Variants in UHMK1 observed in about 807,000 individuals in gnomAD.
UHMK1 encodes serine/threonine-protein kinase Kist.
A neutral mutation model predicts 44.0 loss-of-function variants in UHMK1; 18 were observed. That is an observed-to-expected ratio of 0.41 (90% CI 0.28 to 0.61). UHMK1 has a LOEUF of 0.61. Ranked by LOEUF, UHMK1 falls within the 20% of genes least tolerant of loss-of-function variation. The pLI, the probability that UHMK1 is intolerant of heterozygous loss-of-function variation, is 0.31. For synonymous variants in UHMK1, 231 were observed against 198.5 expected (o/e 1.16, Z -1.38); for missense variants, 463 against 522.5 (o/e 0.89, Z 1.11).
chr1:162,497,756 C>A, upstream of UHMK1: 1 of 1,261,290 alleles, frequency 7.9e-7, no homozygotes, highest in Non-Finnish European at 1.0e-6. Flanking sequence ...CTAGGCCCCG[C>A]CCCTTCTGAG....
In UHMK1 at chr1:162,498,057, C is replaced by G; in HGVS notation, c.57C>G (p.Phe19Leu). 2 of 1,604,874 alleles carry G rather than the reference C, an allele frequency of 1.2e-6. No homozygotes were observed. Among genetic ancestry groups the G allele is most frequent in the Non-Finnish European group, 1.7e-6 (2 of 1,174,846 alleles). The change falls in exon 1 of 8, where the codon TTC becomes TTG. Residue 19 changes from phenylalanine to leucine, a missense_variant. This residue lies in a region of UHMK1 where 191 missense variants were observed against 176.0 expected (regional missense o/e 1.09). Transcript: ENST00000489294. ...GAEPPRFLEA[F>L]GRLWQVQSRL... ...AGCCGCCGCGTTTTCTGGAGGCCTT[C>G]GGGCGGCTGTGGCAGGTACAGAGCC...
intron 7 of UHMK1, among the ~76,000 whole-genome samples, chr1:162,519,142 C>T (rs1270060106): frequency 2.1e-5 from 3 of 142,194 alleles, no homozygotes; most frequent in African/African-American, 7.9e-5. Context: ...CGTGGTGAAA[C>T]CCCCTCTCTA....
rs1383203780 is a variant in UHMK1 at position 162,524,688 on chromosome 1, G to A, written c.*2138G>A. 6.6e-6 allele frequency: 1 copy of A among 152,184 alleles called. No individual in the cohort carries two copies. The highest frequency in any genetic ancestry group is 1.9e-4 in the East Asian group (1 of 5,190). The allele number at this position is 152,184 out of a possible 1,614,324, so 9.4% of individuals were successfully genotyped here. ...AAATAAACTGCAGGTAGGCTTCTAA[G>A]CCTAGTCCTGCAGTATGCTGCTAAC... On this transcript the variant is annotated 3_prime_UTR_variant, in exon 8 of 8. Coordinates refer to ENST00000489294, the MANE Select transcript of UHMK1 (RefSeq NM_175866.5).
At chr1:162,505,518 C>T (rs1368379233) in intron 4 of UHMK1, among the ~76,000 whole-genome samples, 1 of 152,220 alleles carries the variant, frequency 6.6e-6, no homozygotes, top group Non-Finnish European at 1.5e-5. Context: ...GCAACACCTG[C>T]ATTACCTGCA....
chr1:162,513,987 G>A (rs1651753053), intron 6 of UHMK1, among the ~76,000 whole-genome samples: 1 of 152,172 alleles, frequency 6.6e-6, no homozygotes, highest in Non-Finnish European at 1.5e-5. Flanking sequence ...CTGTATTTTA[G>A]TAGGGACATT....
intron 4 of UHMK1, among the ~76,000 whole-genome samples, chr1:162,507,087 T>G (rs1440058010): frequency 6.6e-6 from 1 of 152,118 alleles, no homozygotes; most frequent in African/African-American, 2.4e-5. Context: ...ACGTTTGATT[T>G]TCTTTGCCTT....
chr1:162,520,166 T>C (rs1167962429), intron 7 of UHMK1, among the ~76,000 whole-genome samples: 1 of 152,256 alleles, frequency 6.6e-6, no homozygotes, highest in East Asian at 1.9e-4. Flanking sequence ...AGTGCTGGGA[T>C]TAAAGGCGTG....
chr1:162,511,068 T>A (rs1047537932), intron 4 of UHMK1, among the ~76,000 whole-genome samples: 8 of 152,198 alleles, frequency 5.3e-5, no homozygotes, highest in Non-Finnish European at 8.8e-5. Context: ...TCATATACTG[T>A]TGGCTATTTT....
chr1:162,501,181 TTC>T, intron 3 of UHMK1, 77 bp downstream of exon 3: 1 of 1,436,740 alleles, frequency 7.0e-7, no homozygotes, highest in Non-Finnish European at 9.4e-7. Flanking sequence ...ATTTTTTTTT[TTC>T]TTTTGAGATG....
chr1:162,510,083 C>T (rs557335097), intron 4 of UHMK1, among the ~76,000 whole-genome samples: 1 of 149,238 alleles, frequency 6.7e-6, no homozygotes, highest in East Asian at 2.1e-4. Context: ...AACAGCATCT[C>T]GGTCTTCTTT....
intron 3 of UHMK1, among the ~76,000 whole-genome samples, chr1:162,502,388 T>C (rs1163456119): frequency 6.6e-6 from 1 of 152,232 alleles, no homozygotes; most frequent in African/African-American, 2.4e-5. Flanking sequence ...AATAGCCCAA[T>C]GTATGTACCT....
At chr1:162,507,797 A>G (rs954324393) in intron 4 of UHMK1, among the ~76,000 whole-genome samples, 7 of 151,908 alleles carry the variant, frequency 4.6e-5, no homozygotes, top group Non-Finnish European at 1.0e-4. Flanking sequence ...CATGTTAGTC[A>G]GGATGGTCTC....
chr1:162,511,107 A>G (rs1651651959), intron 4 of UHMK1, among the ~76,000 whole-genome samples: 1 of 150,642 alleles, frequency 6.6e-6, no homozygotes, highest in South Asian at 2.1e-4. Flanking sequence ...ATGTTTGTTC[A>G]GGTCTTTTGC....
intron 4 of UHMK1, among the ~76,000 whole-genome samples, chr1:162,507,143 G>T: frequency 6.8e-6 from 1 of 147,944 alleles, no homozygotes; most frequent in African/African-American, 2.5e-5. Context: ...TTTTTGAGAC[G>T]GAGTTTTTGC....
chr1:162,521,602 C>G (rs1000598810), intron 7 of UHMK1, among the ~76,000 whole-genome samples: 5 of 152,074 alleles, frequency 3.3e-5, no homozygotes, highest in African/African-American at 1.2e-4. Flanking sequence ...GGATTACAGG[C>G]ATGTGCTATC....
intron 3 of UHMK1, among the ~76,000 whole-genome samples, chr1:162,502,313 GT>G (rs772969683): frequency 3.3e-5 from 5 of 152,116 alleles, no homozygotes; most frequent in Admixed American, 3.3e-4. Flanking sequence ...ATAACATATA[GT>G]TTTGTTTCTT....
At position 162,521,834 on chromosome 1, in the gene UHMK1, C is replaced by T. The variant is rs576606939; in HGVS notation, c.1114-570C>T. ...AGTAGAGACACGGTTTCACCGTGTT[C>T]GTCAGGCTGATCTCGAATTCCCGAC... On this transcript the variant is annotated intron_variant, in intron 7 of 7. Transcript: ENST00000489294. 1.3e-3 allele frequency among the ~76,000 whole-genome samples: 203 copies of T among 152,230 alleles called. 2 individuals carry two copies. The highest frequency in any genetic ancestry group is 4.6e-3 in the African/African-American group (191 of 41,534).
chr1:162,503,268 G>A (rs1473257299), intron 3 of UHMK1, among the ~76,000 whole-genome samples: 2 of 152,152 alleles, frequency 1.3e-5, no homozygotes, highest in East Asian at 1.9e-4. Context: ...AGAAAAAAAT[G>A]TTCTTCTCCA....
Position 162,498,058 on chromosome 1 carries a change from G to C in UHMK1, c.58G>C (p.Gly20Arg). ...GCCGCCGCGTTTTCTGGAGGCCTTCGGGCGGCTGTGGCAGGTACAGAGCCG... is the reference window on the plus strand; with the variant it reads ...GCCGCCGCGTTTTCTGGAGGCCTTCCGGCGGCTGTGGCAGGTACAGAGCCG... ...AEPPRFLEAF[G>R]RLWQVQSRLG... is the part of the protein sequence containing the mutation. Residue 20 changes from glycine (G) to arginine (R), a missense_variant, in exon 1 of 8, where the codon GGG (glycine) becomes CGG (arginine). Transcript: ENST00000489294. The C allele has an allele frequency of 3.1e-6, 5 of 1,604,926 alleles. No individual in the cohort carries two copies. The highest frequency in any genetic ancestry group is 4.3e-6 in the Non-Finnish European group (5 of 1,174,892).
Sources: allele counts gnomAD v4.1 joint callset (sites outside exome capture counted in the v4.1 genomes callset), GRCh38; gene constraint gnomAD v4.1.1; regional missense constraint gnomAD v4.1.1; transcripts MANE v1.5; gene names NCBI Gene and HGNC (gene_info 2026-07-23, HGNC 2026-07-21).